Variants in CFAP20DC observed in about 807,000 individuals in gnomAD.
CFAP20DC encodes protein CFAP20DC.
In CFAP20DC, 84 loss-of-function variants were observed where a neutral mutation model predicts 101.7. The observed-to-expected ratio is 0.83, with a 90% confidence interval of 0.69 to 0.99. The LOEUF is 0.99. Among genes scored for constraint, CFAP20DC ranks in the 50% least tolerant of loss-of-function variants. The pLI is 0.00. For missense variants in CFAP20DC, 1,007 were observed against 970.3 expected, an observed-to-expected ratio of 1.04 and a Z score of -0.50; for synonymous variants, 359 against 351.2, an observed-to-expected ratio of 1.02 and a Z score of -0.25.
intron 7 of CFAP20DC, among the ~76,000 whole-genome samples, chr3:58,872,179 A>C (rs1304257736): frequency 2.6e-5 from 4 of 152,140 alleles, no homozygotes; most frequent in Non-Finnish European, 4.4e-5. Flanking sequence ...AGACAGGACC[A>C]ACTTAAACAT....
At chr3:58,811,298 C>G (rs560100936) in intron 14 of CFAP20DC, among the ~76,000 whole-genome samples, 1 of 152,230 alleles carries the variant, frequency 6.6e-6, no homozygotes, top group African/African-American at 2.4e-5. Context: ...TACCTGACTG[C>G]AAAGTATACT....
In CFAP20DC at chr3:59,037,823, A is replaced by G. The variant is rs1181856881; in HGVS notation, c.278+1734T>C. On this transcript the variant is annotated intron_variant, in intron 4 of 16. Transcript: ENST00000482387. ...ATCATTCCACTATAAAGACACATGC[A>G]CACGTATGTTTATTACGGCACTGTT... Among the ~76,000 whole-genome samples, 5 of 152,220 alleles carry G rather than the reference A, an allele frequency of 3.3e-5. No homozygotes were observed. In the South Asian group the frequency reaches 6.2e-4, roughly 19 times the overall value.
At chr3:58,884,865 G>A (rs1230044784) in intron 6 of CFAP20DC, among the ~76,000 whole-genome samples, 156 bp from the exon 7 acceptor site, 1 of 152,170 alleles carries the variant, frequency 6.6e-6, no homozygotes, top group Non-Finnish European at 1.5e-5. Flanking sequence ...TCTGTGAAAT[G>A]AGCATGATAA....
chr3:58,768,680 G>A (rs1205827476), intron 15 of CFAP20DC, among the ~76,000 whole-genome samples: 2 of 152,070 alleles, frequency 1.3e-5, no homozygotes, highest in African/African-American at 4.8e-5. Context: ...TACCACATTG[G>A]CTTAAAGCCT....
At chr3:58,862,053 T>C (rs768940823) in intron 12 of CFAP20DC, 36 of 982,834 alleles carry the variant, frequency 3.7e-5, no homozygotes, top group Non-Finnish European at 4.2e-5. Context: ...TCTAAAGGCT[T>C]AGCCTTCCTA....
At chr3:58,939,894 G>C (rs1298819987) in intron 4 of CFAP20DC, among the ~76,000 whole-genome samples, 1 of 151,198 alleles carries the variant, frequency 6.6e-6, no homozygotes, top group African/African-American at 2.4e-5. Flanking sequence ...AGCCTCCTGA[G>C]TAGCTGGGAT....
intron 15 of CFAP20DC, among the ~76,000 whole-genome samples, chr3:58,772,409 A>T (rs1347078258): frequency 6.6e-6 from 1 of 152,234 alleles, no homozygotes; most frequent in East Asian, 1.9e-4. Flanking sequence ...TAAAATAATG[A>T]TATACTATTG....
In CFAP20DC at chr3:58,788,657, T is replaced by C. The variant is rs769699484; in HGVS notation, c.2237+17738A>G. ...ACTTTGACAATCCAATGTGGAACTG[T>C]ATATTAGACACACATTTAGGGCACT... is the stretch of plus-strand genomic sequence containing the variant. On this transcript the variant is annotated intron_variant, in intron 15 of 16. Coordinates refer to ENST00000482387, the MANE Select transcript of CFAP20DC (RefSeq NM_001394063.1). The surrounding 1 kb of genome is among the most constrained non-coding windows in gnomAD (Gnocchi z 4.2). 1.1e-4 allele frequency among the ~76,000 whole-genome samples: 17 copies of C among 152,008 alleles called. No individual in the cohort carries two copies. The highest frequency in any genetic ancestry group is 2.1e-4 in the South Asian group (1 of 4,826).
At chr3:58,966,370 C>T (rs1051415492) in intron 4 of CFAP20DC, among the ~76,000 whole-genome samples, 36 of 151,886 alleles carry the variant, frequency 2.4e-4, no homozygotes, top group Admixed American at 2.0e-3. Context: ...CAGGCTTGGC[C>T]TGAAGTAAAT....
chr3:58,865,925 G>A (rs1348719811), intron 11 of CFAP20DC, among the ~76,000 whole-genome samples: 3 of 152,184 alleles, frequency 2.0e-5, no homozygotes, highest in East Asian at 3.9e-4. Context: ...CATATCAATT[G>A]TAATGAATAA....
chr3:58,731,185 A>T (rs1162515293), intron 3 of CFAP20DC, among the ~76,000 whole-genome samples: 1 of 152,218 alleles, frequency 6.6e-6, no homozygotes, highest in African/African-American at 2.4e-5. Context: ...TGTAGTCTTC[A>T]CTGTGTATGC....
chr3:58,941,783 C>A (rs1173480919), intron 4 of CFAP20DC, among the ~76,000 whole-genome samples: 2 of 152,042 alleles, frequency 1.3e-5, no homozygotes, highest in Admixed American at 6.6e-5. Context: ...GTCTCGATCT[C>A]CTGACCTCGT....
At chr3:58,755,063 T>C (rs2068839973) in intron 15 of CFAP20DC, among the ~76,000 whole-genome samples, 1 of 152,142 alleles carries the variant, frequency 6.6e-6, no homozygotes, top group Non-Finnish European at 1.5e-5. Context: ...CGGTAAAGGA[T>C]GGTAGAATGA....
At chr3:59,045,901 A>T (rs1459109907) in intron 3 of CFAP20DC, among the ~76,000 whole-genome samples, 1 of 152,172 alleles carries the variant, frequency 6.6e-6, no homozygotes, top group African/African-American at 2.4e-5. Context: ...AAAAGAGTTC[A>T]TAAATATTAA....
At chr3:58,765,161 A>G (rs889987577) in intron 15 of CFAP20DC, among the ~76,000 whole-genome samples, 1 of 152,126 alleles carries the variant, frequency 6.6e-6, no homozygotes, top group African/African-American at 2.4e-5. Context: ...AAGACAGACT[A>G]TGGCTTCAGT....
chr3:58,934,079 A>T (rs1393428939), intron 5 of CFAP20DC, among the ~76,000 whole-genome samples: 1 of 152,248 alleles, frequency 6.6e-6, no homozygotes, highest in Admixed American at 6.5e-5. Context: ...ATAAAAAATG[A>T]TAAAGGGGAT....
At chr3:58,940,971 C>T (rs993950308) in intron 4 of CFAP20DC, among the ~76,000 whole-genome samples, 1 of 152,134 alleles carries the variant, frequency 6.6e-6, no homozygotes, top group Non-Finnish European at 1.5e-5. Flanking sequence ...AAGCCCTGCA[C>T]ATCTTTTGTT....
chr3:59,039,004 T>A (rs531606242), intron 4 of CFAP20DC, among the ~76,000 whole-genome samples: 1 of 152,240 alleles, frequency 6.6e-6, no homozygotes, highest in East Asian at 1.9e-4. Flanking sequence ...ACCAATCAAA[T>A]GTTATTTTCA....
At chr3:59,004,895 AGAAAG>A (rs936146867) in intron 4 of CFAP20DC, among the ~76,000 whole-genome samples, 1 of 152,196 alleles carries the variant, frequency 6.6e-6, no homozygotes, top group Non-Finnish European at 1.5e-5. Context: ...TCTAGGCCAG[AGAAAG>A]TACCTTATAA....
Sources: allele counts gnomAD v4.1 joint callset (sites outside exome capture counted in the v4.1 genomes callset), GRCh38; gene constraint gnomAD v4.1.1; non-coding constraint Gnocchi (gnomAD v3.1); transcripts MANE v1.5; gene names NCBI Gene and HGNC (gene_info 2026-07-23, HGNC 2026-07-21).